Variants in ITSN2 observed in about 807,000 individuals in gnomAD.
The protein encoded by ITSN2 is intersectin 2.
In ITSN2, 156 loss-of-function variants were observed where a neutral mutation model predicts 243.7. The ratio of observed to expected loss-of-function variants is 0.64; its 90% CI spans 0.56 to 0.73. The LOEUF is 0.73. ITSN2 is among the 30% of genes least tolerant of loss of function. ITSN2 has a pLI of 0.00. For synonymous variants in ITSN2, 703 were observed against 699.9 expected, an observed-to-expected ratio of 1.00 and a Z score of -0.07; for missense variants, 1,801 against 1,996.1, an observed-to-expected ratio of 0.90 and a Z score of 1.86.
chr2:24,271,988 T>C (rs1421208837), intron 18 of ITSN2, 47 bp from the exon 19 acceptor site: 2 of 1,363,304 alleles, frequency 1.5e-6, no homozygotes, highest in Non-Finnish European at 9.9e-7. Flanking sequence ...AGAAATTTTT[T>C]ACACTAAATA....
Position 24,261,671 on chromosome 2 carries a change from T to C in ITSN2, c.2427A>G (p.Pro809=), listed in dbSNP as rs749552780. ...GSFQGNFGWF[P]CNYVEKMPSS... is the part of the protein sequence containing the mutation. ...ATGGCATTTTTTCTACATAATTGCA[T>C]GGAAACCAGCCAAAATTTCCTTGAA... The change falls in exon 21 of 40, where the codon CCA becomes CCG. Residue 809 remains proline, a synonymous_variant. Coordinates refer to ENST00000355123, the MANE Select transcript of ITSN2 (RefSeq NM_006277.3). 4.3e-6 allele frequency: 7 copies of C among 1,613,574 alleles called. No homozygotes were observed. The East Asian group carries it at 6.7e-5, about 15-fold the overall frequency.
chr2:24,320,021 A>C (rs1214469541), intron 2 of ITSN2, among the ~76,000 whole-genome samples: 2 of 152,250 alleles, frequency 1.3e-5, no homozygotes, highest in Non-Finnish European at 2.9e-5. Flanking sequence ...AAGTGTGTGC[A>C]ATTATGAATA....
chr2:24,203,550 C>A lies in ITSN2; in HGVS notation c.*76G>T. On this transcript the variant is annotated 3_prime_UTR_variant, in exon 40 of 40. Coordinates refer to ENST00000355123, the MANE Select transcript of ITSN2 (RefSeq NM_006277.3). ...GTGAAGCTGCATGGTGCTCCCTCAG[C>A]CCCAAGAGAGCGCAGTCTCTCATTC... 6.9e-7 allele frequency: 1 copy of A among 1,449,840 alleles called. No homozygotes were observed. Among genetic ancestry groups the A allele is most frequent in the Non-Finnish European group, 9.3e-7 (1 of 1,072,056 alleles). 89.8% of individuals were successfully genotyped at this position (1,449,840 alleles called of 1,614,324 possible).
At chr2:24,254,174 C>T (rs990224023) in intron 24 of ITSN2, among the ~76,000 whole-genome samples, 193 bp downstream of exon 24, 2 of 152,066 alleles carry the variant, frequency 1.3e-5, no homozygotes, top group African/African-American at 4.8e-5. Flanking sequence ...GTATTTTCAC[C>T]CATATTTTTT....
rs1673857915 is a variant in ITSN2 at position 24,249,691 on chromosome 2, A to G, written c.3121-809T>C. Among the ~76,000 whole-genome samples the G allele has an allele frequency of 6.6e-6, 1 of 152,168 alleles. No individual in the cohort carries two copies. Among genetic ancestry groups the G allele is most frequent in the Admixed American group, 6.5e-5 (1 of 15,268 alleles). The stretch of plus-strand genomic sequence containing the variant: ...TTATGATTATCCCCATTTTACAGAG[A>G]AGGAAACTGAGGCACAGAAAGGTAC... On this transcript the variant is annotated intron_variant, in intron 25 of 39. Transcript: ENST00000355123. This position sits in a 1 kb window ranked among gnomAD's most constrained non-coding sequence, Gnocchi z 4.4.
chr2:24,286,524 T>A (rs1289890311), intron 15 of ITSN2, among the ~76,000 whole-genome samples, 173 bp from the exon 16 acceptor site: 1 of 152,206 alleles, frequency 6.6e-6, no homozygotes, highest in Non-Finnish European at 1.5e-5. Flanking sequence ...TCCCAGATTA[T>A]ATGCTGGAAA....
intron 13 of ITSN2, among the ~76,000 whole-genome samples, chr2:24,296,235 C>G (rs538817053): frequency 6.6e-6 from 1 of 152,250 alleles, no homozygotes; most frequent in Non-Finnish European, 1.5e-5. Flanking sequence ...TAAAACAGTG[C>G]CCAGGAGGAA....
intron 8 of ITSN2, among the ~76,000 whole-genome samples, chr2:24,305,419 T>G (rs894728934): frequency 6.6e-6 from 1 of 151,774 alleles, no homozygotes; most frequent in Non-Finnish European, 1.5e-5. Context: ...CTGGCCAACA[T>G]GGCAAAACCT....
intron 28 of ITSN2, 131 bp downstream of exon 28, chr2:24,246,666 C>T: frequency 3.2e-6 from 2 of 628,104 alleles, no homozygotes; most frequent in South Asian, 2.1e-5. Flanking sequence ...TTCTCAGTGG[C>T]ATGTCCCTTT....
chr2:24,260,978 TAAGA>T, intron 22 of ITSN2, 124 bp downstream of exon 22: 1 of 723,566 alleles, frequency 1.4e-6, no homozygotes, highest in South Asian at 2.3e-5. Flanking sequence ...CACATGTGAA[TAAGA>T]AAGAAACTGA....
Position 24,216,153 on chromosome 2 carries a change from ACAGCT to A in ITSN2, c.3881_3885del (p.Glu1294ValfsTer15). 6.2e-7 allele frequency: 1 copy of A among 1,612,854 alleles called. No individual in the cohort carries two copies. ...AACCTGATGTAAGCCTGCATGTGGGACAGCTCAGCGGCCAGGATGTCCCCAATCAT... is the reference window on the plus strand; with the variant it reads ...AACCTGATGTAAGCCTGCATGTGGGACAGCGGCCAGGATGTCCCCAATCAT... On this transcript the variant is annotated frameshift_variant, in exon 32 of 40. Coordinates refer to ENST00000355123, the MANE Select transcript of ITSN2 (RefSeq NM_006277.3). LOFTEE classifies it high-confidence loss of function.
At chr2:24,338,298 A>G (rs924457895) in intron 1 of ITSN2, among the ~76,000 whole-genome samples, 2 of 152,156 alleles carry the variant, frequency 1.3e-5, no homozygotes, top group Non-Finnish European at 2.9e-5. Context: ...TTTTAAATCT[A>G]CCTATAAACT....
intron 21 of ITSN2, 22 bp downstream of exon 21, chr2:24,261,539 T>C: frequency 6.4e-7 from 1 of 1,572,248 alleles, no homozygotes; most frequent in Non-Finnish European, 8.7e-7. Flanking sequence ...TATATAAACT[T>C]TACTGTTAGC....
chr2:24,282,425 C>T (rs989441463), intron 17 of ITSN2, among the ~76,000 whole-genome samples: 2 of 152,198 alleles, frequency 1.3e-5, no homozygotes, highest in African/African-American at 4.8e-5. Context: ...CTCAATAAAA[C>T]CTTGCATTCA....
chr2:24,288,470 T>A (rs572565691), intron 15 of ITSN2, among the ~76,000 whole-genome samples: 2 of 152,284 alleles, frequency 1.3e-5, no homozygotes, highest in Admixed American at 1.3e-4. Context: ...AATTAACATA[T>A]GCATAATTTA....
At chr2:24,350,118 C>T (rs1215918183) in intron 1 of ITSN2, among the ~76,000 whole-genome samples, 3 of 152,048 alleles carry the variant, frequency 2.0e-5, no homozygotes, top group Non-Finnish European at 4.4e-5. Context: ...TGGTAGGTAG[C>T]CTATTCTAAT....
At chr2:24,254,582 A>T in intron 23 of ITSN2, 151 bp from the exon 24 acceptor site, 1 of 505,088 alleles carries the variant, frequency 2.0e-6, no homozygotes, top group Non-Finnish European at 3.5e-6. Flanking sequence ...GGGAAGACTT[A>T]TACACAACAT....
In ITSN2 at chr2:24,248,852, A is replaced by G; in HGVS notation, c.3151T>C (p.Ser1051Pro). Residue 1051 changes from serine (S) to proline (P), a missense_variant, in exon 26 of 40, where the codon TCA becomes CCA. Transcript: ENST00000355123. ...CTATACGTACCAGGTTTTTTATTTG[A>G]TGCTCCAGACTTGCTAGCACTCCCA... ...SFGSASKSGA[S>P]NKKPEIAQVT... 6.2e-7 allele frequency: 1 copy of G among 1,613,826 alleles called. No homozygotes were observed. The highest frequency in any genetic ancestry group is 1.1e-5 in the South Asian group (1 of 91,064).
intron 37 of ITSN2, chr2:24,206,257 A>T (rs917569366): frequency 2.1e-5 from 9 of 435,640 alleles, no homozygotes; most frequent in Non-Finnish European, 4.2e-5. Flanking sequence ...TTAGGAGTAT[A>T]TAACAAAATG....
Sources: gnomAD v4.1 joint callset for allele counts (sites outside exome capture counted in the v4.1 genomes callset) on GRCh38, gnomAD v4.1.1 for gene constraint, Gnocchi (gnomAD v3.1) non-coding constraint, MANE v1.5 for transcripts, NCBI Gene and HGNC (gene_info 2026-07-23, HGNC 2026-07-21) for gene names.